Variants in COG1 observed in about 807,000 individuals in gnomAD.
The protein encoded by COG1 is component of oligomeric golgi complex 1.
Under a neutral mutation model 102.2 loss-of-function variants are expected in COG1, and 61 were observed. The ratio of observed to expected loss-of-function variants is 0.60; its 90% CI spans 0.49 to 0.74. The LOEUF (loss-of-function observed/expected upper bound fraction) is 0.74. Ranked by LOEUF, COG1 falls within the 30% of genes least tolerant of loss-of-function variation. The probability of loss-of-function intolerance (pLI) is 0.00; values close to 1 mark genes in which losing one functional copy is unlikely to be tolerated. For synonymous variants in COG1, 454 were observed against 493.6 expected (o/e 0.92, Z 1.06); for missense variants, 1,164 against 1,232.1 (o/e 0.94, Z 0.83).
At position 73,205,602 on chromosome 17, in the gene COG1, A is replaced by G; in HGVS notation, c.2432A>G (p.Tyr811Cys). The stretch of plus-strand genomic sequence containing the variant: ...CAGAACCGGGCGCTGCAGCTGCTTT[A>G]TGATCTGCGTTACCTCAACATTGTT... ...VTQNRALQLLYDLRYLNIVLT... is the reference protein window; with the variant it reads ...VTQNRALQLLCDLRYLNIVLT... Residue 811 changes from tyrosine to cysteine, a missense_variant, in exon 10 of 14, where the codon TAT becomes TGT. Transcript: ENST00000299886. The G allele has an allele frequency of 6.2e-7, 1 of 1,614,156 alleles. No individual in the cohort carries two copies. Among genetic ancestry groups the G allele is most frequent in the South Asian group, 1.1e-5 (1 of 91,086 alleles).
At position 73,201,196 on chromosome 17, in the gene COG1, A is replaced by G; in HGVS notation, c.1369A>G (p.Ser457Gly). The G allele has an allele frequency of 6.2e-7, 1 of 1,614,220 alleles. No homozygotes were observed. Residue 457 changes from serine (S) to glycine (G), a missense_variant, in exon 7 of 14, where the codon AGC becomes GGC. By Grantham distance (56) the Ser-to-Gly change is moderately conservative. Transcript: ENST00000299886. ...TTTGCAGGAACTTGAAAGCAGCACC[A>G]GCAACTCCCCTTCAAATAAGCACAT... The part of the protein sequence containing the change: ...SALQELESST[S>G]NSPSNKHIHF...
Position 73,201,526 on chromosome 17 carries a change from C to T in COG1, c.1699C>T (p.Gln567Ter). Residue 567 changes from glutamine (Q) to a stop codon, truncating the protein, a stop_gained, in exon 7 of 14, where the codon CAG becomes TAG. Coordinates refer to ENST00000299886, the MANE Select transcript of COG1 (RefSeq NM_018714.3). LOFTEE classifies it high-confidence loss of function. ...FDRYADAGTV[Q>*]EMLRTQSVAC... is the part of the protein sequence containing the mutation. ...CAGATACGCAGATGCGGGGACCGTG[C>T]AGGAGATGCTGCGGACTCAGTCCGT... The T allele has an allele frequency of 6.2e-7, 1 of 1,614,250 alleles. No individual in the cohort carries two copies. Among genetic ancestry groups the T allele is most frequent in the East Asian group, 2.2e-5 (1 of 44,894 alleles).
chr17:73,200,056 A>G, intron 5 of COG1, 35 bp downstream of exon 5: 2 of 1,595,708 alleles, frequency 1.3e-6, no homozygotes, highest in Non-Finnish European at 8.5e-7. Flanking sequence ...TGCAGCTGGC[A>G]GGAGCCACCC....
intron 5 of COG1, 25 bp downstream of exon 5, chr17:73,200,046 TGC>T: frequency 3.7e-6 from 6 of 1,601,322 alleles, no homozygotes; most frequent in Non-Finnish European, 5.1e-6. Context: ...AGAGCTTCCC[TGC>T]AGCTGGCAGG....
In COG1 at chr17:73,206,580, G is replaced by GCA. The variant is rs897296362; in HGVS notation, c.2620-126_2620-125dup. ...TAAAAAGTAATCGTGAAGCATAAATGCACTCAGAACATTCCCCAAAATGAC... is the reference window on the plus strand; with the variant it reads ...TAAAAAGTAATCGTGAAGCATAAATGCACACTCAGAACATTCCCCAAAATGAC... On this transcript the variant is annotated intron_variant, in intron 11 of 13. Transcript: ENST00000299886. 4.7e-5 allele frequency: 35 copies of GCA among 740,530 alleles called. No homozygotes were observed. The African/African-American group carries it at 6.1e-4, about 13-fold the overall frequency. 45.9% of individuals were successfully genotyped at this position (740,530 alleles called of 1,614,324 possible). A position where few individuals can be genotyped will look rare whatever the true frequency, so the allele number is the denominator to read the frequency against.
intron 11 of COG1, 140 bp from the exon 12 acceptor site, chr17:73,206,568 T>G (rs886163915): frequency 6.9e-6 from 5 of 723,742 alleles, no homozygotes; most frequent in Non-Finnish European, 1.2e-5. Flanking sequence ...AAAGTAATCG[T>G]GAAGCATAAA....
In COG1 at chr17:73,195,054, C is replaced by T. The variant is rs147765444; in HGVS notation, c.316-1453C>T. ...CCTCCCAAAGCTAACATTTAGTACA[C>T]GTGTCCCCTTAGGTGGCCAGCCTTT... is the stretch of plus-strand genomic sequence containing the variant. On this transcript the variant is annotated intron_variant, in intron 1 of 13. Transcript: ENST00000299886. 1.3e-4 allele frequency among the ~76,000 whole-genome samples: 20 copies of T among 152,338 alleles called. No individual in the cohort carries two copies. In the East Asian group the frequency reaches 3.7e-3, roughly 28 times the overall value.
Position 73,208,352 on chromosome 17 carries a change from A to G in COG1, c.2844A>G (p.Thr948=), listed in dbSNP as rs376824047. Residue 948 remains threonine, a synonymous_variant, in exon 14 of 14, where the codon ACA becomes ACG. Coordinates refer to ENST00000299886, the MANE Select transcript of COG1 (RefSeq NM_018714.3). Reference sequence around the variant, plus strand: ...CACGCTCCACAGCTGGTGACCCGACAGTTCCTGGCTCCTTGTTCAGACAGC... The same window carrying G: ...CACGCTCCACAGCTGGTGACCCGACGGTTCCTGGCTCCTTGTTCAGACAGC... The part of the protein sequence containing the change: ...PPARSTAGDP[T]VPGSLFRQLV... 11 of 1,614,156 alleles carry G rather than the reference A, an allele frequency of 6.8e-6. No homozygotes were observed. The African/African-American group carries it at 8.0e-5, about 12-fold the overall frequency.
In COG1 at chr17:73,205,420, T is replaced by C. The variant is rs2145103415; in HGVS notation, c.2383-133T>C. ...TTGTTTTGTTGTTGTGAGATTAAAC[T>C]GGCCATATGAGCATTAAAACCATCT... is the stretch of plus-strand genomic sequence containing the variant. On this transcript the variant is annotated intron_variant, in intron 9 of 13. Transcript: ENST00000299886. The C allele has an allele frequency of 5.6e-6, 5 of 900,754 alleles. No homozygotes were observed. In the East Asian group the frequency reaches 1.2e-4, roughly 22 times the overall value. 55.8% of individuals were successfully genotyped at this position (900,754 alleles called of 1,614,324 possible).
intron 4 of COG1, among the ~76,000 whole-genome samples, chr17:73,198,104 C>T (rs1041360233): frequency 6.6e-6 from 1 of 152,282 alleles, no homozygotes; most frequent in East Asian, 1.9e-4. Flanking sequence ...ATGCCAAGAG[C>T]TCACTTAGGA....
chr17:73,205,316 C>T (rs929277015), intron 9 of COG1: 2 of 520,396 alleles, frequency 3.8e-6, no homozygotes, highest in South Asian at 4.1e-5. Context: ...CCATTTACAG[C>T]ATCTGAGGCC....
At chr17:73,200,838 T>G in intron 6 of COG1, 62 bp downstream of exon 6, 1 of 1,452,190 alleles carries the variant, frequency 6.9e-7, no homozygotes, top group Non-Finnish European at 9.7e-7. Flanking sequence ...ATTTTGACTG[T>G]CTTGGGAGAT....
At position 73,199,962 on chromosome 17, in the gene COG1, C is replaced by G. The variant is rs774720405; in HGVS notation, c.1011C>G (p.Thr337=). 14 of 1,614,166 alleles carry G rather than the reference C, an allele frequency of 8.7e-6. No individual in the cohort carries two copies. The highest frequency in any genetic ancestry group is 1.3e-5 in the African/African-American group (1 of 75,058). ...TCGAGTTCCAGCCAACACTCCGAAC[C>G]CTTGCACATCCCATCAGTCAGGAAT... is the stretch of plus-strand genomic sequence containing the variant. ...SIVEFQPTLR[T]LAHPISQEYL... is the part of the protein sequence containing the mutation. Residue 337 remains threonine (T), a synonymous_variant, in exon 5 of 14, where the codon ACC becomes ACG. Coordinates refer to ENST00000299886, the MANE Select transcript of COG1 (RefSeq NM_018714.3).
chr17:73,207,847 A>G, intron 13 of COG1: 2 of 1,242,368 alleles, frequency 1.6e-6, no homozygotes, highest in South Asian at 2.8e-5. Context: ...TTAGCAGTGT[A>G]TCCTTTCCGT....
intron 1 of COG1, among the ~76,000 whole-genome samples, chr17:73,194,620 T>C (rs1371566172): frequency 1.3e-5 from 2 of 151,896 alleles, no homozygotes; most frequent in East Asian, 4.0e-4. Flanking sequence ...CCTGCCACCA[T>C]GTCCGACTAA....
intron 10 of COG1, 26 bp from the exon 11 acceptor site, chr17:73,206,128 A>T: frequency 6.5e-7 from 1 of 1,528,844 alleles, no homozygotes. Context: ...AAATGTGGAC[A>T]GTAATGATCC....
chr17:73,207,935 A>T (rs374616145), intron 13 of COG1: 311 of 210,878 alleles, frequency 1.5e-3, no homozygotes, highest in African/African-American at 5.2e-3. Flanking sequence ...ATGGTAGTTT[A>T]AAAAAAAAAA....
rs769652614 is a variant in COG1, at chr17:73,201,326, G to C, written c.1499G>C (p.Ser500Thr). 1.2e-5 allele frequency: 20 copies of C among 1,614,238 alleles called. No individual in the cohort carries two copies. The South Asian group carries it at 1.4e-4, about 12-fold the overall frequency. The change falls in exon 7 of 14, where the codon AGT (serine) becomes ACT (threonine). Residue 500 changes from serine to threonine, a missense_variant. Coordinates refer to ENST00000299886, the MANE Select transcript of COG1 (RefSeq NM_018714.3). ...VSVANRGQFASSGLSMKAQAI... is the reference protein window; with the variant it reads ...VSVANRGQFATSGLSMKAQAI... ...GTGGCAAACCGGGGTCAGTTTGCCA[G>C]TAGCGGCCTCTCCATGAAAGCACAA...
At position 73,203,802 on chromosome 17, in the gene COG1, C is replaced by A; in HGVS notation, c.2382+9C>A. The A allele has an allele frequency of 6.2e-7, 1 of 1,614,124 alleles. No individual in the cohort carries two copies. The highest frequency in any genetic ancestry group is 1.1e-5 in the South Asian group (1 of 91,076). On this transcript the variant is annotated intron_variant, in intron 9 of 13. Coordinates refer to ENST00000299886, the MANE Select transcript of COG1 (RefSeq NM_018714.3). ...AAGAAAAACAGATTAAGGTAGGTGT[C>A]TGAATGTTTGCCCATTAAAAACACA...
Sources: gnomAD v4.1 joint callset for allele counts (sites outside exome capture counted in the v4.1 genomes callset) on GRCh38, gnomAD v4.1.1 for gene constraint, MANE v1.5 for transcripts, NCBI Gene and HGNC (gene_info 2026-07-23, HGNC 2026-07-21) for gene names.